NREP: variants seen among roughly 807,000 people sequenced by gnomAD.
NREP encodes neuronal regeneration related protein.
In NREP, 5 loss-of-function variants were observed where a neutral mutation model predicts 8.6. That is an observed-to-expected ratio of 0.58 (90% CI 0.30 to 1.22). The LOEUF is 1.22. Ranked by LOEUF, NREP falls within the 50% of genes most tolerant of loss-of-function variation. The probability of loss-of-function intolerance (pLI) is 0.07; values close to 1 mark genes in which losing one functional copy is unlikely to be tolerated. For synonymous variants in NREP, 27 were observed against 28.0 expected (o/e 0.96, Z 0.11); for missense variants, 86 against 82.5 (o/e 1.04, Z -0.17).
chr5:111,976,328 C>T (rs999057131), intron 1 of NREP, among the ~76,000 whole-genome samples: 3 of 152,166 alleles, frequency 2.0e-5, no homozygotes, highest in Admixed American at 1.3e-4. Flanking sequence ...CAACATTCCC[C>T]TTAAAACAAT....
intron 2 of NREP, among the ~76,000 whole-genome samples, chr5:111,753,502 T>C (rs192756121): frequency 6.5e-4 from 98 of 151,934 alleles, no homozygotes; most frequent in African/African-American, 2.1e-3. Context: ...AGTCTAGATA[T>C]TGAGTCACTG....
chr5:111,882,099 G>T (rs1011473427), intron 2 of NREP, among the ~76,000 whole-genome samples: 1 of 152,178 alleles, frequency 6.6e-6, no homozygotes, highest in Non-Finnish European at 1.5e-5. Flanking sequence ...GTAGACGAAT[G>T]TATAATTAGA....
At chr5:111,766,526 G>A (rs1751088672) in intron 2 of NREP, among the ~76,000 whole-genome samples, 1 of 152,202 alleles carries the variant, frequency 6.6e-6, no homozygotes, top group Non-Finnish European at 1.5e-5. Flanking sequence ...AGCGTGAAGG[G>A]AAGTGTAATG....
intron 2 of NREP, among the ~76,000 whole-genome samples, chr5:111,901,968 C>A (rs1355435736): frequency 2.6e-5 from 4 of 152,064 alleles, no homozygotes; most frequent in African/African-American, 9.7e-5. Context: ...TCCTATGGAA[C>A]CACAAAAGAC....
At chr5:111,969,045 A>G (rs775810371) in intron 2 of NREP, among the ~76,000 whole-genome samples, 1 of 152,238 alleles carries the variant, frequency 6.6e-6, no homozygotes, top group Admixed American at 6.5e-5. Context: ...TTGAAAATCT[A>G]TGGTCAAGTT....
At chr5:111,831,418 G>T (rs2112935895) in intron 2 of NREP, among the ~76,000 whole-genome samples, 1 of 152,230 alleles carries the variant, frequency 6.6e-6, no homozygotes, top group East Asian at 1.9e-4. Flanking sequence ...TCGATCTGGA[G>T]TCTGAAAATG....
intron 2 of NREP, among the ~76,000 whole-genome samples, chr5:111,859,319 A>G (rs112502884): frequency 2.0e-3 from 304 of 152,310 alleles, no homozygotes; most frequent in Non-Finnish European, 2.8e-3. Flanking sequence ...AAAAAATCTC[A>G]GGCACAATTT....
At chr5:111,780,249 T>C (rs1372160364) in intron 2 of NREP, among the ~76,000 whole-genome samples, 2 of 152,196 alleles carry the variant, frequency 1.3e-5, no homozygotes, top group Non-Finnish European at 2.9e-5. Context: ...GCAGAATACA[T>C]TAGTGGGACT....
At chr5:111,849,948 A>C (rs1753269460) in intron 2 of NREP, among the ~76,000 whole-genome samples, 1 of 152,272 alleles carries the variant, frequency 6.6e-6, no homozygotes, top group Middle Eastern at 3.4e-3. Flanking sequence ...CAGAGCAATA[A>C]GGCTGAAGGG....
At chr5:111,764,977 A>G (rs929132271) in intron 2 of NREP, among the ~76,000 whole-genome samples, 3 of 152,176 alleles carry the variant, frequency 2.0e-5, no homozygotes, top group Non-Finnish European at 4.4e-5. Context: ...CACAGATGAG[A>G]ATCAGAGGTA....
intron 2 of NREP, among the ~76,000 whole-genome samples, chr5:111,922,480 G>C (rs1383216099): frequency 6.6e-6 from 1 of 152,138 alleles, no homozygotes; most frequent in African/African-American, 2.4e-5. Context: ...AGGAGGTACT[G>C]AGTGCCCCTT....
intron 2 of NREP, among the ~76,000 whole-genome samples, chr5:111,749,850 C>T (rs958994899): frequency 2.0e-5 from 3 of 152,178 alleles, no homozygotes; most frequent in African/African-American, 7.2e-5. Flanking sequence ...CTTCCCAGTT[C>T]CTTCTAGCTA....
At chr5:111,954,659 G>A (rs1014994001) in intron 2 of NREP, among the ~76,000 whole-genome samples, 22 of 152,102 alleles carry the variant, frequency 1.4e-4, no homozygotes, top group Non-Finnish European at 1.8e-4. Flanking sequence ...AAGAGATAAA[G>A]AAGGGTAGGG....
At chr5:111,743,651 A>G (rs1315879372) in intron 2 of NREP, among the ~76,000 whole-genome samples, 1 of 152,178 alleles carries the variant, frequency 6.6e-6, no homozygotes, top group Non-Finnish European at 1.5e-5. Flanking sequence ...GGTATTATTC[A>G]CCACAATTGA....
At chr5:111,861,327 G>A (rs1753538468) in intron 2 of NREP, among the ~76,000 whole-genome samples, 1 of 152,150 alleles carries the variant, frequency 6.6e-6, no homozygotes, top group African/African-American at 2.4e-5. Flanking sequence ...AAATGCTTGG[G>A]CCAGAGAGGC....
chr5:111,942,502 C>T (rs1372839452), intron 2 of NREP, among the ~76,000 whole-genome samples: 1 of 151,866 alleles, frequency 6.6e-6, no homozygotes, highest in East Asian at 1.9e-4. Flanking sequence ...TTTTTCATTG[C>T]AAAGCAGTTT....
chr5:111,748,599 A>T (rs1374469698), intron 2 of NREP, among the ~76,000 whole-genome samples: 1 of 152,206 alleles, frequency 6.6e-6, no homozygotes, highest in Non-Finnish European at 1.5e-5. Context: ...AGGAAATGTC[A>T]GTGAAGGTTA....
At chr5:111,758,188 G>C, upstream of NREP, 2 of 985,610 alleles carry the variant, frequency 2.0e-6, no homozygotes, top group Non-Finnish European at 2.4e-6. Flanking sequence ...CGCCCCTGAA[G>C]GCCGGGCCCA....
intron 2 of NREP, among the ~76,000 whole-genome samples, chr5:111,855,256 T>A (rs1753400643): frequency 6.6e-6 from 1 of 152,198 alleles, no homozygotes; most frequent in South Asian, 2.1e-4. Flanking sequence ...GCTTATTGGT[T>A]TGGGACTTTG....
Sources: allele counts gnomAD v4.1 joint callset (sites outside exome capture counted in the v4.1 genomes callset), GRCh38; gene constraint gnomAD v4.1.1; transcripts MANE v1.5; gene names NCBI Gene and HGNC (gene_info 2026-07-23, HGNC 2026-07-21).